MSRA: variants seen among roughly 807,000 people sequenced by gnomAD.
MSRA encodes the protein mitochondrial peptide methionine sulfoxide reductase.
Under a neutral mutation model 31.3 loss-of-function variants are expected in MSRA, and 54 were observed. The observed-to-expected ratio is 1.73, with a 90% CI of 1.39 to 2.17. The LOEUF is 2.17. MSRA is among the 30% of genes most tolerant of loss of function. The probability of loss-of-function intolerance (pLI) is 0.00; values close to 1 mark genes in which losing one functional copy is unlikely to be tolerated. For synonymous variants in MSRA, 169 were observed against 116.5 expected (o/e 1.45, Z -2.90); for missense variants, 507 against 300.9 (o/e 1.69, Z -5.07).
At chr8:10,221,436 G>GTA (rs201045996) in intron 2 of MSRA, among the ~76,000 whole-genome samples, 193 of 138,860 alleles carry the variant, frequency 1.4e-3, no homozygotes, top group Middle Eastern at 3.7e-3. Flanking sequence ...GTATATATGT[G>GTA]TATATATACA....
chr8:10,215,540 T>C (rs960026942), intron 2 of MSRA, among the ~76,000 whole-genome samples: 1 of 152,138 alleles, frequency 6.6e-6, no homozygotes, highest in African/African-American at 2.4e-5. Flanking sequence ...ATGGGATCCA[T>C]CACCTCTCCT....
intron 2 of MSRA, among the ~76,000 whole-genome samples, chr8:10,218,440 C>A (rs963584097): frequency 6.6e-6 from 1 of 152,122 alleles, no homozygotes; most frequent in Non-Finnish European, 1.5e-5. Flanking sequence ...CCACTGCGCC[C>A]GGCCCTGGTT....
intron 1 of MSRA, among the ~76,000 whole-genome samples, chr8:10,151,852 T>C (rs1803707981): frequency 6.6e-6 from 1 of 152,200 alleles, no homozygotes; most frequent in Non-Finnish European, 1.5e-5. Flanking sequence ...GTCTCCACCC[T>C]TTAGTAAAGG....
At chr8:10,362,498 T>A (rs1488774103) in intron 5 of MSRA, among the ~76,000 whole-genome samples, 2 of 150,988 alleles carry the variant, frequency 1.3e-5, no homozygotes, top group Non-Finnish European at 2.9e-5. Context: ...CTTGTATATT[T>A]AAGGCTGTGG....
In MSRA at chr8:10,288,074, C is replaced by T. The variant is rs1479339283; in HGVS notation, c.332-13460C>T. Among the ~76,000 whole-genome samples, 6 of 152,140 alleles carry T rather than the reference C, an allele frequency of 3.9e-5. No homozygotes were observed. In the South Asian group the frequency reaches 6.2e-4, roughly 16 times the overall value. On this transcript the variant is annotated intron_variant, in intron 3 of 5. Transcript: ENST00000317173. ...CTCCTGTGGTTGTGATGTTGGATTA[C>T]GAGCCCCATACAAAAGTGAAAATGA...
intron 5 of MSRA, among the ~76,000 whole-genome samples, chr8:10,410,045 G>T (rs1301747788): frequency 6.6e-6 from 1 of 152,212 alleles, no homozygotes; most frequent in Non-Finnish European, 1.5e-5. Flanking sequence ...GGGTTACAGA[G>T]CAAGACCTTG....
chr8:10,215,558 A>G (rs1809916870), intron 2 of MSRA, among the ~76,000 whole-genome samples: 1 of 152,090 alleles, frequency 6.6e-6, no homozygotes, highest in African/African-American at 2.4e-5. Context: ...CCTTCATAAC[A>G]CCAGACGAGT....
At chr8:10,397,171 A>G (rs1205962934) in intron 5 of MSRA, among the ~76,000 whole-genome samples, 2 of 152,146 alleles carry the variant, frequency 1.3e-5, no homozygotes, top group South Asian at 4.1e-4. Flanking sequence ...CTTCTGCTAG[A>G]ATGTATATTT....
chr8:10,054,606 C>T lies in MSRA; in HGVS notation c.90C>T (p.Ile30=). 1 of 1,579,856 alleles carries T rather than the reference C, an allele frequency of 6.3e-7. No individual in the cohort carries two copies. The highest frequency in any genetic ancestry group is 8.6e-7 in the Non-Finnish European group (1 of 1,163,648). ...GGATGGGCAACTCGGCCTCGAACAT[C>T]GTCAGCCCCCAGGAGGCCTTGCCGG... ...VPRMGNSASN[I]VSPQEALPGR... Residue 30 remains isoleucine (I), a synonymous_variant, in exon 1 of 6, where the codon ATC becomes ATT. Transcript: ENST00000317173.
Position 10,271,214 on chromosome 8 carries a change from G to A in MSRA, c.331+25991G>A, listed in dbSNP as rs563980955. Among the ~76,000 whole-genome samples, 26 of 152,218 alleles carry A rather than the reference G, an allele frequency of 1.7e-4. 1 individual carries two copies. The highest frequency in any genetic ancestry group is 6.0e-4 in the African/African-American group (25 of 41,546). On this transcript the variant is annotated intron_variant, in intron 3 of 5. Transcript: ENST00000317173. Reference sequence around the variant, plus strand: ...TCACTATATCAATGATACACAGATGGCATATAGCATCCAGTTTACAGGAAG... The same window carrying A: ...TCACTATATCAATGATACACAGATGACATATAGCATCCAGTTTACAGGAAG...
At chr8:10,331,933 C>T (rs150033110) in intron 5 of MSRA, among the ~76,000 whole-genome samples, 1,670 of 152,228 alleles carry the variant, frequency 0.011, 15 homozygotes, top group Non-Finnish European at 0.018. Flanking sequence ...AATCCAAGCA[C>T]GCAGAATGCA....
At chr8:10,225,659 T>C (rs1810935287) in intron 2 of MSRA, among the ~76,000 whole-genome samples, 1 of 152,198 alleles carries the variant, frequency 6.6e-6, no homozygotes, top group Non-Finnish European at 1.5e-5. Flanking sequence ...CTTTGGGCTT[T>C]AGCTGTTGAT....
chr8:10,185,120 C>T (rs1354992439), intron 1 of MSRA, among the ~76,000 whole-genome samples: 1 of 152,202 alleles, frequency 6.6e-6, no homozygotes, highest in Non-Finnish European at 1.5e-5. Flanking sequence ...GCTCCTTTTG[C>T]AGAGCCCCTG....
chr8:10,308,465 C>A (rs982776283), intron 4 of MSRA, among the ~76,000 whole-genome samples: 28 of 152,164 alleles, frequency 1.8e-4, no homozygotes, highest in African/African-American at 6.3e-4. Context: ...TACTAACTGG[C>A]CTGTCTCACC....
chr8:10,313,989 C>T (rs1360140793), intron 4 of MSRA, among the ~76,000 whole-genome samples: 1 of 152,120 alleles, frequency 6.6e-6, no homozygotes, highest in Non-Finnish European at 1.5e-5. Context: ...CTGCCTCACA[C>T]CATACACAAA....
At chr8:10,424,226 C>T (rs1377253297) in intron 5 of MSRA, among the ~76,000 whole-genome samples, 2 of 152,062 alleles carry the variant, frequency 1.3e-5, no homozygotes, top group Non-Finnish European at 2.9e-5. Context: ...ATGGAACATT[C>T]GGGAAACAGG....
At chr8:10,241,407 G>T (rs1282433068) in intron 2 of MSRA, among the ~76,000 whole-genome samples, 4 of 152,052 alleles carry the variant, frequency 2.6e-5, no homozygotes, top group African/African-American at 9.7e-5. Context: ...TCATTGAAAC[G>T]ATCAAATATG....
intron 3 of MSRA, among the ~76,000 whole-genome samples, chr8:10,247,931 T>C (rs1488964227): frequency 1.3e-5 from 2 of 152,022 alleles, no homozygotes; most frequent in South Asian, 2.1e-4. Context: ...AGAGTAATTA[T>C]GGTAACTAGC....
intron 5 of MSRA, among the ~76,000 whole-genome samples, chr8:10,375,205 T>A (rs1156857165): frequency 6.6e-6 from 1 of 152,194 alleles, no homozygotes; most frequent in Admixed American, 6.5e-5. Flanking sequence ...TATTCCTATC[T>A]TTTTTGCATC....
Sources: gnomAD v4.1 joint callset for allele counts (sites outside exome capture counted in the v4.1 genomes callset) on GRCh38, gnomAD v4.1.1 for gene constraint, MANE v1.5 for transcripts, NCBI Gene and HGNC (gene_info 2026-07-23, HGNC 2026-07-21) for gene names.